The following GRAMD1B variants were observed in gnomAD, a reference collection of about 807,000 sequenced individuals.
GRAMD1B encodes the protein GRAM domain containing 1B.
A neutral mutation model predicts 99.7 loss-of-function variants in GRAMD1B; 37 were observed. The ratio of observed to expected loss-of-function variants is 0.37; its 90% CI spans 0.29 to 0.49. The LOEUF is 0.49. Among genes scored for constraint, GRAMD1B ranks in the 20% least tolerant of loss-of-function variants. GRAMD1B has a pLI of 0.98. For synonymous variants in GRAMD1B, 427 were observed against 387.6 expected, an observed-to-expected ratio of 1.10 and a Z score of -1.19; for missense variants, 888 against 1,009.2, an observed-to-expected ratio of 0.88 and a Z score of 1.63.
rs574485586 is a variant in GRAMD1B at position 123,621,669 on chromosome 11, T to C, written c.2545-837T>C. ...AAAGATTCCTGGGCGGGGAGAACAA[T>C]GTGGCTCAATGTACAAAGACAGGCT... On this transcript the variant is annotated intron_variant, in intron 19 of 19. Coordinates refer to ENST00000635736, the MANE Select transcript of GRAMD1B (RefSeq NM_001387025.1). Among the ~76,000 whole-genome samples, 248 of 152,236 alleles carry C rather than the reference T, an allele frequency of 1.6e-3. 1 individual carries two copies. The highest frequency in any genetic ancestry group is 0.014 in the Middle Eastern group (4 of 294).
At chr11:123,471,628 A>G (rs1481273335) in intron 1 of GRAMD1B, among the ~76,000 whole-genome samples, 1 of 152,138 alleles carries the variant, frequency 6.6e-6, no homozygotes, top group Non-Finnish European at 1.5e-5. Context: ...AGATTTAACT[A>G]TTGTCGTTGG....
At chr11:123,447,108 GA>G (rs909150305) in intron 1 of GRAMD1B, among the ~76,000 whole-genome samples, 5 of 151,260 alleles carry the variant, frequency 3.3e-5, no homozygotes, top group African/African-American at 7.3e-5. Context: ...ACTAAAGCAT[GA>G]AAAAAAAATT....
intron 1 of GRAMD1B, among the ~76,000 whole-genome samples, chr11:123,374,970 C>T (rs951981667): frequency 1.3e-5 from 2 of 152,124 alleles, no homozygotes; most frequent in Admixed American, 1.3e-4. Flanking sequence ...TGATCTTTAC[C>T]ATCCTTATCA....
intron 1 of GRAMD1B, among the ~76,000 whole-genome samples, chr11:123,466,364 A>G (rs907245088): frequency 2.6e-4 from 18 of 68,316 alleles, no homozygotes; most frequent in African/African-American, 1.1e-4. Context: ...GAAGGAAGGA[A>G]GGAAAAAGAA....
chr11:123,614,946 T>G (rs1592289717), intron 17 of GRAMD1B, 111 bp downstream of exon 17: 1 of 617,738 alleles, frequency 1.6e-6, no homozygotes, highest in Admixed American at 2.8e-5. Flanking sequence ...TTGCCCTGGT[T>G]TTTGCCTTAT....
intron 2 of GRAMD1B, among the ~76,000 whole-genome samples, chr11:123,544,407 T>C (rs1944856710): frequency 6.6e-6 from 1 of 152,200 alleles, no homozygotes; most frequent in African/African-American, 2.4e-5. Context: ...CCTTCCTAAC[T>C]CTTTCTACTC....
chr11:123,535,044 C>T (rs549243391), intron 2 of GRAMD1B, among the ~76,000 whole-genome samples: 1 of 152,182 alleles, frequency 6.6e-6, no homozygotes, highest in African/African-American at 2.4e-5. Flanking sequence ...CAGACAACCT[C>T]AAAAGTGAGG....
chr11:123,486,818 C>T (rs559303782), intron 2 of GRAMD1B, among the ~76,000 whole-genome samples: 5 of 152,222 alleles, frequency 3.3e-5, no homozygotes, highest in Middle Eastern at 3.4e-3. Flanking sequence ...GCCTGTAATC[C>T]CAGCAATCGG....
intron 1 of GRAMD1B, among the ~76,000 whole-genome samples, chr11:123,442,176 C>G (rs1292356134): frequency 6.6e-6 from 1 of 152,196 alleles, no homozygotes; most frequent in Non-Finnish European, 1.5e-5. Flanking sequence ...TCAGATTCCA[C>G]AGGTTCAGGG....
chr11:123,401,888 A>T (rs1947674911), intron 1 of GRAMD1B, among the ~76,000 whole-genome samples: 1 of 152,140 alleles, frequency 6.6e-6, no homozygotes, highest in South Asian at 2.1e-4. Context: ...AGCCTGGGTG[A>T]CAGAGCAAGA....
Position 123,603,548 on chromosome 11 carries a change from G to C in GRAMD1B, c.1166+7G>C, listed in dbSNP as rs1222854941. 2 of 1,568,622 alleles carry C rather than the reference G, an allele frequency of 1.3e-6. No homozygotes were observed. Among genetic ancestry groups the C allele is most frequent in the Admixed American group, 1.7e-5 (1 of 59,936 alleles). On this transcript the variant is annotated splice_region_variant and intron_variant, in intron 9 of 19. Coordinates refer to ENST00000635736, the MANE Select transcript of GRAMD1B (RefSeq NM_001387025.1). The stretch of plus-strand genomic sequence containing the variant: ...ACGACTTCAACACAATGGGGTGAGT[G>C]AGGCCAAGGGCGGCTGCCCAGAGGC...
intron 7 of GRAMD1B, chr11:123,599,456 C>T (rs1951680678): frequency 7.9e-6 from 5 of 636,890 alleles, no homozygotes; most frequent in Admixed American, 5.5e-5. Context: ...TCTCCATCTT[C>T]CCTTCACCAC....
intron 1 of GRAMD1B, among the ~76,000 whole-genome samples, chr11:123,406,994 C>A (rs537515442): frequency 1.3e-5 from 2 of 152,322 alleles, no homozygotes; most frequent in East Asian, 3.9e-4. Context: ...CTCCCTGTGG[C>A]AGTTTAGGTT....
intron 1 of GRAMD1B, among the ~76,000 whole-genome samples, chr11:123,413,574 A>G (rs543465957): frequency 9.2e-5 from 14 of 152,202 alleles, no homozygotes; most frequent in Admixed American, 3.9e-4. Flanking sequence ...GAGGAACTAC[A>G]TGGGGTTTAC....
At chr11:123,589,614 T>TATATATGTATATATAGATATATATATATA (rs1555089174) in intron 4 of GRAMD1B, among the ~76,000 whole-genome samples, 1 of 128,278 alleles carries the variant, frequency 7.8e-6, no homozygotes, top group African/African-American at 3.5e-5. Flanking sequence ...TGGCTAATTT[T>TATATATGTATATATAGATATATATATATA]TATATATATA....
intron 2 of GRAMD1B, among the ~76,000 whole-genome samples, chr11:123,487,415 G>A (rs955708717): frequency 1.3e-5 from 2 of 152,180 alleles, no homozygotes; most frequent in South Asian, 4.1e-4. Context: ...GAGAAAGCAA[G>A]GCATGTTCGG....
At chr11:123,439,672 CG>C (rs1483800112) in intron 1 of GRAMD1B, among the ~76,000 whole-genome samples, 5 of 151,938 alleles carry the variant, frequency 3.3e-5, no homozygotes, top group African/African-American at 1.2e-4. Flanking sequence ...TGACCAGGCA[CG>C]TCACGGAGGC....
At chr11:123,569,709 A>C (rs1035012048) in intron 2 of GRAMD1B, among the ~76,000 whole-genome samples, 3 of 152,252 alleles carry the variant, frequency 2.0e-5, no homozygotes, top group Non-Finnish European at 4.4e-5. Context: ...CAGTGGCATT[A>C]TAAAGAACTG....
chr11:123,453,212 A>G (rs894834047), intron 1 of GRAMD1B, among the ~76,000 whole-genome samples: 2 of 152,206 alleles, frequency 1.3e-5, no homozygotes, highest in African/African-American at 4.8e-5. Context: ...TGAAAAATAC[A>G]GTGGAATATA....
Sources: gnomAD v4.1 joint callset for allele counts (sites outside exome capture counted in the v4.1 genomes callset) on GRCh38, gnomAD v4.1.1 for gene constraint, MANE v1.5 for transcripts, NCBI Gene and HGNC (gene_info 2026-07-23, HGNC 2026-07-21) for gene names.